The following PLCL1 variants were observed in gnomAD, a reference collection of about 807,000 sequenced individuals.
PLCL1 encodes phospholipase C like 1 (inactive).
In PLCL1, 41 loss-of-function variants were observed where a neutral mutation model predicts 84.4. The ratio of observed to expected loss-of-function variants is 0.49; its 90% CI spans 0.38 to 0.63. PLCL1 has a LOEUF of 0.63. Among genes scored for constraint, PLCL1 ranks in the 30% least tolerant of loss-of-function variants. PLCL1 has a pLI of 0.00. For missense variants in PLCL1, 1,206 were observed against 1,367.8 expected (o/e 0.88, Z 1.87); for synonymous variants, 490 against 488.3 (o/e 1.00, Z -0.05).
chr2:198,144,762 AG>A (rs1694476812), intron 5 of PLCL1, among the ~76,000 whole-genome samples: 2 of 152,180 alleles, frequency 1.3e-5, no homozygotes, highest in African/African-American at 4.8e-5. Context: ...AAATTGTGTC[AG>A]GCTGTGTCAC....
intron 4 of PLCL1, among the ~76,000 whole-genome samples, chr2:198,101,661 C>G (rs936705978): frequency 6.6e-6 from 1 of 152,002 alleles, no homozygotes; most frequent in Non-Finnish European, 1.5e-5. Flanking sequence ...AAACCTTCTA[C>G]TGCTGGTATT....
rs1209125998 is a variant in PLCL1 at position 197,923,184 on chromosome 2, G to A, written c.240+117845G>A. ...CAGAGGCGCCCCTCACCTCCCGGAC[G>A]GGGCGGCTGGCCGGGCGGGGGGCTG... On this transcript the variant is annotated intron_variant, in intron 1 of 5. Coordinates refer to ENST00000428675, the MANE Select transcript of PLCL1 (RefSeq NM_006226.4). 6.6e-3 allele frequency among the ~76,000 whole-genome samples: 965 copies of A among 146,250 alleles called. 1 individual carries two copies. Among genetic ancestry groups the A allele is most frequent in the South Asian group, 0.023 (103 of 4,550 alleles).
At chr2:198,091,390 A>G (rs1663290179) in intron 3 of PLCL1, among the ~76,000 whole-genome samples, 1 of 152,196 alleles carries the variant, frequency 6.6e-6, no homozygotes, top group Admixed American at 6.5e-5. Context: ...GTGAACATTT[A>G]AAAACATAGA....
Position 198,071,753 on chromosome 2 carries a change from T to A in PLCL1, c.241-12005T>A, listed in dbSNP as rs951953895. Reference sequence around the variant, plus strand: ...GTTTCTATATGGTCAAATCTATCAATCTTTTCCTCTATGCTTTCTGGTCTT... The same window carrying A: ...GTTTCTATATGGTCAAATCTATCAAACTTTTCCTCTATGCTTTCTGGTCTT... On this transcript the variant is annotated intron_variant, in intron 1 of 5. Coordinates refer to ENST00000428675, the MANE Select transcript of PLCL1 (RefSeq NM_006226.4). Among the ~76,000 whole-genome samples, 3 of 152,016 alleles carry A rather than the reference T, an allele frequency of 2.0e-5. No individual in the cohort carries two copies. The East Asian group carries it at 5.8e-4, about 29-fold the overall frequency.
chr2:197,966,845 A>ATTTTTT (rs34706360), intron 1 of PLCL1, among the ~76,000 whole-genome samples: 7 of 100,280 alleles, frequency 7.0e-5, no homozygotes, highest in African/African-American at 2.1e-4. Context: ...ATCCATACTA[A>ATTTTTT]TTTTTTTTTT....
intron 3 of PLCL1, among the ~76,000 whole-genome samples, chr2:198,095,098 T>C (rs973933047): frequency 2.6e-5 from 4 of 152,182 alleles, no homozygotes; most frequent in African/African-American, 9.6e-5. Flanking sequence ...CATTGGATTG[T>C]TCACCACAGT....
chr2:198,035,610 G>T (rs1003612405), intron 1 of PLCL1, among the ~76,000 whole-genome samples: 1 of 152,172 alleles, frequency 6.6e-6, no homozygotes, highest in Non-Finnish European at 1.5e-5. Context: ...AGGACAATGT[G>T]ACCATAAAAA....
intron 1 of PLCL1, among the ~76,000 whole-genome samples, chr2:197,892,327 C>T (rs1014125727): frequency 1.3e-5 from 2 of 152,180 alleles, no homozygotes; most frequent in African/African-American, 4.8e-5. Context: ...CCTAAACTGA[C>T]TGTCTGATCC....
intron 1 of PLCL1, among the ~76,000 whole-genome samples, chr2:197,901,918 T>C (rs73056811): frequency 0.19 from 29,296 of 152,082 alleles, 2,882 homozygotes; most frequent in East Asian, 0.27. Context: ...CAAAATTCCC[T>C]AAAGACCTAT....
chr2:198,013,100 G>C (rs1343301815), intron 1 of PLCL1, among the ~76,000 whole-genome samples: 1 of 152,000 alleles, frequency 6.6e-6, no homozygotes, highest in African/African-American at 2.4e-5. Flanking sequence ...ATCTATACCA[G>C]ATTTATAAGT....
At chr2:198,097,196 A>G (rs3771359) in intron 3 of PLCL1, among the ~76,000 whole-genome samples, 69,144 of 152,030 alleles carry the variant, frequency 0.45, 17,628 homozygotes, top group African/African-American at 0.69. Context: ...AAGATGCTGT[A>G]TTCTTGGGGT....
At chr2:197,991,441 C>A (rs975214922) in intron 1 of PLCL1, among the ~76,000 whole-genome samples, 9 of 152,100 alleles carry the variant, frequency 5.9e-5, no homozygotes, top group African/African-American at 2.2e-4. Context: ...CCTCTCTGTG[C>A]ATATATAACC....
At chr2:198,010,280 G>A (rs1042503980) in intron 1 of PLCL1, among the ~76,000 whole-genome samples, 3 of 151,784 alleles carry the variant, frequency 2.0e-5, no homozygotes, top group Admixed American at 6.6e-5. Context: ...TTTTCTCATC[G>A]AATATGATGT....
chr2:197,942,219 C>A (rs1689172267), intron 1 of PLCL1, among the ~76,000 whole-genome samples: 1 of 152,144 alleles, frequency 6.6e-6, no homozygotes, highest in South Asian at 2.1e-4. Flanking sequence ...ACAAAGCAAA[C>A]CCCTCCACTT....
At chr2:197,963,774 A>G (rs1689670654) in intron 1 of PLCL1, among the ~76,000 whole-genome samples, 1 of 152,036 alleles carries the variant, frequency 6.6e-6, no homozygotes, top group Non-Finnish European at 1.5e-5. Flanking sequence ...ATTGTGAGAG[A>G]TAGGGATCTA....
intron 1 of PLCL1, among the ~76,000 whole-genome samples, chr2:197,936,684 T>C (rs907192806): frequency 1.3e-5 from 2 of 152,202 alleles, no homozygotes; most frequent in Non-Finnish European, 2.9e-5. Context: ...AGATATTTTC[T>C]ACCATTCTGT....
chr2:198,136,627 C>T (rs1282789449), intron 5 of PLCL1, among the ~76,000 whole-genome samples: 1 of 152,024 alleles, frequency 6.6e-6, no homozygotes, highest in Non-Finnish European at 1.5e-5. Flanking sequence ...GGGCAGCCAG[C>T]TTATGTGGAA....
At chr2:198,024,895 A>G (rs1379497071) in intron 1 of PLCL1, among the ~76,000 whole-genome samples, 1 of 152,140 alleles carries the variant, frequency 6.6e-6, no homozygotes, top group Non-Finnish European at 1.5e-5. Flanking sequence ...ACTTTAACAT[A>G]ATTCCTAATG....
At chr2:198,024,775 A>AAAAC (rs1336035921) in intron 1 of PLCL1, among the ~76,000 whole-genome samples, 1 of 151,922 alleles carries the variant, frequency 6.6e-6, no homozygotes, top group Non-Finnish European at 1.5e-5. Context: ...AAAAAAAAAA[A>AAAAC]CAATTACTAC....
Sources: gnomAD v4.1 joint callset for allele counts (sites outside exome capture counted in the v4.1 genomes callset) on GRCh38, gnomAD v4.1.1 for gene constraint, MANE v1.5 for transcripts, NCBI Gene and HGNC (gene_info 2026-07-23, HGNC 2026-07-21) for gene names.